Variants in CFAP61 observed in about 807,000 individuals in gnomAD.
CFAP61 encodes the protein cilia- and flagella-associated protein 61.
A neutral mutation model predicts 135.6 loss-of-function variants in CFAP61; 107 were observed. The observed-to-expected ratio is 0.79, with a 90% confidence interval of 0.67 to 0.93. The LOEUF (loss-of-function observed/expected upper bound fraction) is 0.93. CFAP61 is among the 40% of genes least tolerant of loss of function. CFAP61 has a pLI of 0.00. For synonymous variants in CFAP61, 575 were observed against 578.5 expected, an observed-to-expected ratio of 0.99 and a Z score of 0.09; for missense variants, 1,507 against 1,556.2, an observed-to-expected ratio of 0.97 and a Z score of 0.53.
At chr20:20,140,726 A>G (rs2051322186) in intron 8 of CFAP61, among the ~76,000 whole-genome samples, 1 of 25,746 alleles carries the variant, frequency 3.9e-5, no homozygotes, top group Non-Finnish European at 1.3e-4. Context: ...ATATACCCAA[A>G]GGACTATAAT....
At chr20:20,282,793 G>T (rs1024727783) in intron 22 of CFAP61, among the ~76,000 whole-genome samples, 2 of 152,106 alleles carry the variant, frequency 1.3e-5, no homozygotes, top group Non-Finnish European at 2.9e-5. Flanking sequence ...ATGAAAATTA[G>T]CCAGGCATGG....
intron 22 of CFAP61, among the ~76,000 whole-genome samples, chr20:20,286,712 T>C (rs1455290102): frequency 6.6e-6 from 1 of 152,240 alleles, no homozygotes; most frequent in African/African-American, 2.4e-5. Flanking sequence ...ATTAACAATG[T>C]TGGATTTGCT....
At position 20,091,067 on chromosome 20, in the gene CFAP61, C is replaced by T. The variant is rs987135847; in HGVS notation, c.699+91C>T. ...CTTGCGTTGCTGGGCACCCCTGGAG[C>T]TGCCATTGTCTCCCTGGCCACCCCG... On this transcript the variant is annotated intron_variant, in intron 7 of 26. Transcript: ENST00000245957. 8 of 1,450,592 alleles carry T rather than the reference C, an allele frequency of 5.5e-6. No homozygotes were observed. In the Admixed American group the frequency reaches 1.4e-4, roughly 26 times the overall value. 89.9% of individuals were successfully genotyped at this position (1,450,592 alleles called of 1,614,324 possible).
At chr20:20,296,878 A>G (rs1349418476) in intron 24 of CFAP61, among the ~76,000 whole-genome samples, 1 of 152,104 alleles carries the variant, frequency 6.6e-6, no homozygotes, top group Non-Finnish European at 1.5e-5. Context: ...TCGGTGGGCC[A>G]TTGTTTTTTG....
At chr20:20,106,134 A>G (rs961430753) in intron 8 of CFAP61, among the ~76,000 whole-genome samples, 5 of 150,468 alleles carry the variant, frequency 3.3e-5, no homozygotes, top group African/African-American at 9.8e-5. Flanking sequence ...TACCAGACCT[A>G]TACCCAGGCA....
At chr20:20,067,014 G>A (rs1346267604) in intron 2 of CFAP61, among the ~76,000 whole-genome samples, 19 of 151,374 alleles carry the variant, frequency 1.3e-4, no homozygotes, top group Admixed American at 8.6e-4. Context: ...TTAGTTAAAT[G>A]ATACCCACAA....
chr20:20,268,181 G>A (rs2052951840), intron 21 of CFAP61, among the ~76,000 whole-genome samples: 1 of 152,120 alleles, frequency 6.6e-6, no homozygotes, highest in Non-Finnish European at 1.5e-5. Context: ...AAATACTTTA[G>A]CATGTGAGTT....
At chr20:20,161,241 C>T (rs779826348) in intron 10 of CFAP61, among the ~76,000 whole-genome samples, 3 of 152,116 alleles carry the variant, frequency 2.0e-5, no homozygotes, top group Non-Finnish European at 4.4e-5. Flanking sequence ...TGAACCCAAG[C>T]AAGGATGTGG....
At chr20:20,086,491 A>G (rs1030247746) in intron 6 of CFAP61, among the ~76,000 whole-genome samples, 2 of 151,994 alleles carry the variant, frequency 1.3e-5, no homozygotes, top group African/African-American at 4.8e-5. Flanking sequence ...TACAAAGGAC[A>G]TGAACTCATC....
intron 20 of CFAP61, among the ~76,000 whole-genome samples, chr20:20,262,583 C>T (rs1404781548): frequency 2.0e-5 from 3 of 152,156 alleles, no homozygotes; most frequent in Non-Finnish European, 4.4e-5. Context: ...CCCTGAGTCA[C>T]CCCTAGCCTT....
intron 12 of CFAP61, among the ~76,000 whole-genome samples, 186 bp from the exon 13 acceptor site, chr20:20,169,135 C>T (rs548420818): frequency 2.6e-5 from 4 of 152,262 alleles, no homozygotes; most frequent in African/African-American, 9.6e-5. Flanking sequence ...CTTTTCCCTG[C>T]TCTTGTAGTT....
At chr20:20,161,185 C>G (rs907286575) in intron 10 of CFAP61, among the ~76,000 whole-genome samples, 1 of 152,090 alleles carries the variant, frequency 6.6e-6, no homozygotes, top group Non-Finnish European at 1.5e-5. Flanking sequence ...TAGAAGAGGA[C>G]AGCAGTTTTC....
chr20:20,208,570 C>T (rs2056962417), intron 17 of CFAP61, among the ~76,000 whole-genome samples: 1 of 152,150 alleles, frequency 6.6e-6, no homozygotes, highest in Admixed American at 6.5e-5. Flanking sequence ...TTAGTGTTTT[C>T]TCTTTCTTTA....
At chr20:20,175,490 TTTTGTTTTGTTTTGTTTTGTTTTGTTTTG>T (rs1452672149) in intron 13 of CFAP61, among the ~76,000 whole-genome samples, 7 of 1,664 alleles carry the variant, frequency 4.2e-3, no homozygotes, top group Non-Finnish European at 0.015. Context: ...TTTTTTTTGT[TTTTGTTTTGTTTTGTTTTGTTTTGTTTTG>T]TTTTGTTTTG....
chr20:20,313,349 C>G, intron 25 of CFAP61, among the ~76,000 whole-genome samples: 1 of 152,206 alleles, frequency 6.6e-6, no homozygotes, highest in East Asian at 1.9e-4. Flanking sequence ...GTTTAAGCCA[C>G]CCAATCTATA....
rs527756122 is a variant in CFAP61, at chr20:20,211,005, A to G, written c.1932+11103A>G. ...AAAATGGGTTTTGCCTTCCTGGAAG[A>G]TGTGAAAGATCAGGAAAAACAACCG... On this transcript the variant is annotated intron_variant, in intron 17 of 26. Coordinates refer to ENST00000245957, the MANE Select transcript of CFAP61 (RefSeq NM_015585.4). 4.6e-5 allele frequency among the ~76,000 whole-genome samples: 7 copies of G among 152,330 alleles called. No individual in the cohort carries two copies. In the East Asian group the frequency reaches 1.3e-3, roughly 29 times the overall value.
In CFAP61 at chr20:20,056,785, C is replaced by T; in HGVS notation, c.132C>T (p.Ile44=). The T allele has an allele frequency of 6.2e-7, 1 of 1,613,922 alleles. No homozygotes were observed. Among genetic ancestry groups the T allele is most frequent in the Non-Finnish European group, 8.5e-7 (1 of 1,179,862 alleles). Residue 44 remains isoleucine, a synonymous_variant, in exon 2 of 27, where the codon ATC becomes ATT. Coordinates refer to ENST00000245957, the MANE Select transcript of CFAP61 (RefSeq NM_015585.4). Reference sequence around the variant, plus strand: ...GCAAGCTGTTTGGGAAGCTAAATATCATCTATCTTCTGTAAGTAGATAACT... The same window carrying T: ...GCAAGCTGTTTGGGAAGCTAAATATTATCTATCTTCTGTAAGTAGATAACT... The part of the protein sequence containing the change: ...FTCKLFGKLN[I]IYLLEKANLA...
chr20:20,087,492 A>G (rs1021719408), intron 6 of CFAP61, among the ~76,000 whole-genome samples: 1 of 152,190 alleles, frequency 6.6e-6, no homozygotes, highest in African/African-American at 2.4e-5. Flanking sequence ...GCTGCATGTA[A>G]AAGTTTTAAA....
chr20:20,341,925 A>C lies in CFAP61; in HGVS notation c.3513+4A>C. The C allele has an allele frequency of 6.3e-7, 1 of 1,595,842 alleles. No homozygotes were observed. The highest frequency in any genetic ancestry group is 8.6e-7 in the Non-Finnish European group (1 of 1,164,552). ...CCAAATCTTAGCCTCCAAGGAGGTA[A>C]GAGTGATTAATGGATATGTGGATTA... On this transcript the variant is annotated splice_donor_region_variant and intron_variant, in intron 26 of 26. Transcript: ENST00000245957.
Sources: allele counts gnomAD v4.1 joint callset (sites outside exome capture counted in the v4.1 genomes callset), GRCh38; gene constraint gnomAD v4.1.1; transcripts MANE v1.5; gene names NCBI Gene and HGNC (gene_info 2026-07-23, HGNC 2026-07-21).